TSPAN9: variants seen among roughly 807,000 people sequenced by gnomAD.
TSPAN9 encodes tetraspanin-9.
Under a neutral mutation model 31.0 loss-of-function variants are expected in TSPAN9, and 16 were observed. The ratio of observed to expected loss-of-function variants is 0.52; its 90% CI spans 0.35 to 0.78. The LOEUF is 0.78. Among genes scored for constraint, TSPAN9 ranks in the 30% least tolerant of loss-of-function variants. The pLI is 0.01. For synonymous variants in TSPAN9, 145 were observed against 121.6 expected (o/e 1.19, Z -1.27); for missense variants, 272 against 312.5 (o/e 0.87, Z 0.98).
At chr12:3,262,372 C>CT (rs5796041) in intron 3 of TSPAN9, among the ~76,000 whole-genome samples, 63,357 of 147,658 alleles carry the variant, frequency 0.43, 15,914 homozygotes, top group South Asian at 0.65. Flanking sequence ...GGCTGCTGCT[C>CT]TTTTTTTTTT....
At chr12:3,282,329 T>C (rs1862910920) in intron 8 of TSPAN9, among the ~76,000 whole-genome samples, 1 of 152,072 alleles carries the variant, frequency 6.6e-6, no homozygotes, top group Non-Finnish European at 1.5e-5. Context: ...AAGACAGCCC[T>C]GCTGCTGCCA....
Position 3,169,926 on chromosome 12 carries a change from A to C in TSPAN9, c.-17-31251A>C, listed in dbSNP as rs1398303468. ...GACTCAAGCCATCCACTTGAACCCA[A>C]CCATGGGGCACCTTCTCTCCTCATT... On this transcript the variant is annotated intron_variant, in intron 2 of 8. Transcript: ENST00000011898. Among the ~76,000 whole-genome samples, 3 of 150,222 alleles carry C rather than the reference A, an allele frequency of 2.0e-5. No homozygotes were observed. The East Asian group carries it at 5.9e-4, about 30-fold the overall frequency.
In TSPAN9 at chr12:3,278,596, A is replaced by G. The variant is rs1253451812; in HGVS notation, c.239A>G (p.Lys80Arg). Residue 80 changes from lysine (K) to arginine (R), a missense_variant, in exon 4 of 9, where the codon AAG (lysine) becomes AGG (arginine). Coordinates refer to ENST00000011898, the MANE Select transcript of TSPAN9 (RefSeq NM_006675.5). ...LGCLGAIKEN[K>R]CLLLSFFIVL... ...TGCCTGGGGGCCATCAAGGAAAACAAGTGCCTCCTCCTCAGCGTAAGTTCT... is the reference window on the plus strand; with the variant it reads ...TGCCTGGGGGCCATCAAGGAAAACAGGTGCCTCCTCCTCAGCGTAAGTTCT... 6.2e-6 allele frequency: 10 copies of G among 1,613,996 alleles called. No individual in the cohort carries two copies. Among genetic ancestry groups the G allele is most frequent in the Non-Finnish European group, 8.5e-6 (10 of 1,180,010 alleles).
At chr12:3,248,961 C>T (rs946221418) in intron 3 of TSPAN9, among the ~76,000 whole-genome samples, 8 of 152,238 alleles carry the variant, frequency 5.3e-5, no homozygotes, top group Non-Finnish European at 1.5e-5. Flanking sequence ...CTCCCTGAGG[C>T]CCCTCCTGTC....
At chr12:3,089,949 T>TG (rs2098303397) in intron 2 of TSPAN9, among the ~76,000 whole-genome samples, 1 of 152,160 alleles carries the variant, frequency 6.6e-6, no homozygotes, top group East Asian at 1.9e-4. Flanking sequence ...TCCTTTTTTT[T>TG]GTTGCAAAAT....
At chr12:3,123,178 T>C (rs780419262) in intron 2 of TSPAN9, among the ~76,000 whole-genome samples, 2 of 152,138 alleles carry the variant, frequency 1.3e-5, no homozygotes, top group African/African-American at 2.4e-5. Context: ...CAACAGGAGA[T>C]TTGTCCAGGG....
At chr12:3,171,076 A>G (rs141750410) in intron 2 of TSPAN9, among the ~76,000 whole-genome samples, 42 of 152,196 alleles carry the variant, frequency 2.8e-4, no homozygotes, top group African/African-American at 9.9e-4. Context: ...TGCTTGGATT[A>G]TGGGAACAGT....
intron 2 of TSPAN9, among the ~76,000 whole-genome samples, chr12:3,145,146 G>A (rs1207304247): frequency 6.6e-6 from 1 of 152,114 alleles, no homozygotes; most frequent in Non-Finnish European, 1.5e-5. Context: ...AGCCCTCGGC[G>A]TCCTCTGGTG....
chr12:3,168,274 C>T lies in TSPAN9; in HGVS notation c.-17-32903C>T, dbSNP rs915250523. Among the ~76,000 whole-genome samples the T allele has an allele frequency of 3.6e-4, 55 of 152,174 alleles. No homozygotes were observed. Among genetic ancestry groups the T allele is most frequent in the Admixed American group, 2.6e-4 (4 of 15,282 alleles). On this transcript the variant is annotated intron_variant, in intron 2 of 8. Coordinates refer to ENST00000011898, the MANE Select transcript of TSPAN9 (RefSeq NM_006675.5). This position sits in a 1 kb window ranked among gnomAD's most constrained non-coding sequence, Gnocchi z 4.0. ...CCAGCTCTTTCCAGATGCTTCAAAC[C>T]TTTTTAGTTGCTAAGGTCTTCATAA... is the stretch of plus-strand genomic sequence containing the variant.
intron 3 of TSPAN9, among the ~76,000 whole-genome samples, chr12:3,246,731 TG>T (rs1176075313): frequency 1.3e-5 from 2 of 152,162 alleles, no homozygotes; most frequent in African/African-American, 4.8e-5. Flanking sequence ...AGTTTGTGGC[TG>T]TTCAGATCCA....
chr12:3,134,832 A>G (rs1367304141), intron 2 of TSPAN9, among the ~76,000 whole-genome samples: 2 of 152,172 alleles, frequency 1.3e-5, no homozygotes, highest in Non-Finnish European at 2.9e-5. Flanking sequence ...ATCACAGTCC[A>G]GGGTGGATGA....
chr12:3,227,429 C>T (rs944134011), intron 3 of TSPAN9, among the ~76,000 whole-genome samples: 1 of 152,206 alleles, frequency 6.6e-6, no homozygotes, highest in East Asian at 1.9e-4. Context: ...CCTGTGCTTC[C>T]TGGCCCTCTG....
chr12:3,201,884 A>T (rs11610165), intron 3 of TSPAN9, among the ~76,000 whole-genome samples: 48,957 of 152,038 alleles, frequency 0.32, 7,891 homozygotes, highest in Middle Eastern at 0.44. Flanking sequence ...GTGTGGGGGC[A>T]TGCTGCCATC....
At chr12:3,184,568 A>G (rs1437249647) in intron 2 of TSPAN9, among the ~76,000 whole-genome samples, 3 of 152,108 alleles carry the variant, frequency 2.0e-5, no homozygotes, top group African/African-American at 7.2e-5. Flanking sequence ...ACAGGTAGCA[A>G]GGGGAAAGGT....
chr12:3,199,159 C>G (rs1403606820), intron 2 of TSPAN9, among the ~76,000 whole-genome samples: 4 of 152,188 alleles, frequency 2.6e-5, no homozygotes, highest in Non-Finnish European at 4.4e-5. Context: ...CTGCTGGGAT[C>G]CAGGGAGGAC....
chr12:3,156,776 G>A (rs1230100984), intron 2 of TSPAN9, among the ~76,000 whole-genome samples: 1 of 152,074 alleles, frequency 6.6e-6, no homozygotes, highest in African/African-American at 2.4e-5. Flanking sequence ...CCAAAGTGCT[G>A]GGATTATAGG....
At chr12:3,130,147 C>G (rs544361746) in intron 2 of TSPAN9, among the ~76,000 whole-genome samples, 75 of 152,332 alleles carry the variant, frequency 4.9e-4, no homozygotes, top group Admixed American at 2.0e-3. Context: ...TTCCGCTTCC[C>G]CCGGTGGCCA....
chr12:3,097,951 G>A (rs1043945274), intron 2 of TSPAN9, among the ~76,000 whole-genome samples: 2 of 152,254 alleles, frequency 1.3e-5, no homozygotes, highest in Non-Finnish European at 2.9e-5. Context: ...TGGAAGTTCA[G>A]GAGCTCAGTG....
rs1244957835 is a variant in TSPAN9 at position 3,168,652 on chromosome 12, CAA to C, written c.-17-32524_-17-32523del. Among the ~76,000 whole-genome samples, 1 of 152,148 alleles carries C rather than the reference CAA, an allele frequency of 6.6e-6. No homozygotes were observed. The highest frequency in any genetic ancestry group is 1.5e-5 in the Non-Finnish European group (1 of 68,034). On this transcript the variant is annotated intron_variant, in intron 2 of 8. Coordinates refer to ENST00000011898, the MANE Select transcript of TSPAN9 (RefSeq NM_006675.5). The surrounding 1 kb of genome is among the most constrained non-coding windows in gnomAD (Gnocchi z 4.0). ...CCAATCTCTTTACGAATGGATGTCT[CAA>C]GAGCAGTTACAGGCATTGGGAAAAA...
Sources: allele counts gnomAD v4.1 joint callset (sites outside exome capture counted in the v4.1 genomes callset), GRCh38; gene constraint gnomAD v4.1.1; non-coding constraint Gnocchi (gnomAD v3.1); transcripts MANE v1.5; gene names NCBI Gene and HGNC (gene_info 2026-07-23, HGNC 2026-07-21).